Variants in MET observed in about 807,000 individuals in gnomAD.
MET encodes hepatocyte growth factor receptor.
MET carries 48 observed loss-of-function variants against 133.1 expected under a neutral mutation model. The ratio of observed to expected loss-of-function variants is 0.36; its 90% CI spans 0.29 to 0.46. The LOEUF (loss-of-function observed/expected upper bound fraction) is 0.46. Among genes scored for constraint, MET ranks in the 20% least tolerant of loss-of-function variants. The probability of loss-of-function intolerance (pLI) is 1.00; values close to 1 mark genes in which losing one functional copy is unlikely to be tolerated. For missense variants in MET, 1,442 were observed against 1,695.9 expected (o/e 0.85, Z 2.63); for synonymous variants, 628 against 616.5 (o/e 1.02, Z -0.28).
intron 5 of MET, among the ~76,000 whole-genome samples, chr7:116,747,389 G>A (rs865996178): frequency 5.3e-5 from 8 of 152,132 alleles, no homozygotes; most frequent in Non-Finnish European, 1.2e-4. Flanking sequence ...CCCATCTCAC[G>A]TGCAAAGACA....
intron 2 of MET, among the ~76,000 whole-genome samples, chr7:116,729,084 A>T (rs909401416): frequency 6.6e-6 from 1 of 152,248 alleles, no homozygotes; most frequent in Non-Finnish European, 1.5e-5. Context: ...TGCAAAATGG[A>T]TGATTGATCA....
chr7:116,703,686 T>C (rs986976255), intron 2 of MET, among the ~76,000 whole-genome samples: 1 of 152,042 alleles, frequency 6.6e-6, no homozygotes, highest in African/African-American at 2.4e-5. Flanking sequence ...AATGTGACAA[T>C]TTCAGGAAAA....
chr7:116,795,937 C>G lies in MET; in HGVS notation c.3986C>G (p.Ser1329Cys), dbSNP rs1398543726. 2 of 1,614,186 alleles carry G rather than the reference C, an allele frequency of 1.2e-6. No homozygotes were observed. Among genetic ancestry groups the G allele is most frequent in the Non-Finnish European group, 1.7e-6 (2 of 1,180,032 alleles). ...CWHPKAEMRP[S>C]FSELVSRISA... ...CACCCTAAAGCCGAAATGCGCCCAT[C>G]CTTTTCTGAACTGGTGTCCCGGATA... The change falls in exon 21 of 21, where the codon TCC becomes TGC. Residue 1329 changes from serine to cysteine, a missense_variant. By Grantham distance (112) the Ser-to-Cys change is moderately radical. Coordinates refer to ENST00000397752, the MANE Select transcript of MET (RefSeq NM_000245.4).
chr7:116,685,699 T>TA (rs1371390093), intron 1 of MET, among the ~76,000 whole-genome samples: 1 of 151,612 alleles, frequency 6.6e-6, no homozygotes, highest in Non-Finnish European at 1.5e-5. Flanking sequence ...AAAATAAAAA[T>TA]AAAAAAACCT....
chr7:116,706,825 G>A (rs1369356488), intron 2 of MET, among the ~76,000 whole-genome samples: 1 of 151,180 alleles, frequency 6.6e-6, no homozygotes, highest in Non-Finnish European at 1.5e-5. Context: ...TAAAGTGCTC[G>A]TTATCAGGAA....
intron 5 of MET, among the ~76,000 whole-genome samples, chr7:116,751,799 T>C (rs1184050498): frequency 1.3e-5 from 2 of 152,112 alleles, no homozygotes; most frequent in African/African-American, 4.8e-5. Flanking sequence ...TGGTGGCTCA[T>C]GTCTGTAATC....
At chr7:116,687,141 C>G (rs1187910563) in intron 1 of MET, among the ~76,000 whole-genome samples, 1 of 152,214 alleles carries the variant, frequency 6.6e-6, no homozygotes, top group Non-Finnish European at 1.5e-5. Flanking sequence ...TCTTCTATTT[C>G]TTTCCTCTCC....
chr7:116,700,805 T>C (rs1207285150), intron 2 of MET, among the ~76,000 whole-genome samples: 1 of 152,178 alleles, frequency 6.6e-6, no homozygotes. Context: ...TTAAAGGAAC[T>C]TAACTTTAAA....
chr7:116,765,881 A>G (rs1794609202), intron 11 of MET, among the ~76,000 whole-genome samples: 1 of 152,108 alleles, frequency 6.6e-6, no homozygotes, highest in South Asian at 2.1e-4. Context: ...GTCTTGGGTC[A>G]CCCAGGAAGC....
At chr7:116,780,145 T>C (rs566762877) in intron 17 of MET, among the ~76,000 whole-genome samples, 38 of 152,244 alleles carry the variant, frequency 2.5e-4, no homozygotes, top group African/African-American at 7.7e-4. Context: ...TCTTAGCCTC[T>C]TGCAAGTGGT....
intron 6 of MET, 104 bp downstream of exon 6, chr7:116,755,619 A>G (rs1794149087): frequency 7.0e-7 from 1 of 1,433,968 alleles, no homozygotes; most frequent in Non-Finnish European, 9.7e-7. Context: ...CTCTTGAATT[A>G]AAAAGGGTCT....
Position 116,753,053 on chromosome 7 carries a change from G to A in MET, c.1702-2302G>A, listed in dbSNP as rs191498755. Among the ~76,000 whole-genome samples the A allele has an allele frequency of 2.1e-3, 326 of 152,274 alleles. 1 individual carries two copies. The highest frequency in any genetic ancestry group is 2.1e-3 in the Non-Finnish European group (144 of 68,024). The stretch of plus-strand genomic sequence containing the variant: ...TGGATGAGGTAAATTTTCAGGAAAG[G>A]CACAACAGTGTAATGGATTTTTATG... On this transcript the variant is annotated intron_variant, in intron 5 of 20. Coordinates refer to ENST00000397752, the MANE Select transcript of MET (RefSeq NM_000245.4).
rs947252044 is a variant in MET at position 116,683,673 on chromosome 7, G to A, written c.-15+11096G>A. ...CAGTCTGTACCACATGCCCAAGAAAGTGTCCTCATTCTAATCACCAGTGCC... is the reference window on the plus strand; with the variant it reads ...CAGTCTGTACCACATGCCCAAGAAAATGTCCTCATTCTAATCACCAGTGCC... On this transcript the variant is annotated intron_variant, in intron 1 of 20. Transcript: ENST00000397752. 1.2e-4 allele frequency among the ~76,000 whole-genome samples: 19 copies of A among 152,138 alleles called. 1 individual carries two copies. Among genetic ancestry groups the A allele is most frequent in the African/African-American group, 4.3e-4 (18 of 41,426 alleles).
Position 116,731,040 on chromosome 7 carries a change from C to T in MET, c.1201-628C>T, listed in dbSNP as rs560845502. Among the ~76,000 whole-genome samples the T allele has an allele frequency of 3.9e-5, 6 of 152,232 alleles. No homozygotes were observed. In the South Asian group the frequency reaches 8.3e-4, roughly 21 times the overall value. On this transcript the variant is annotated intron_variant, in intron 2 of 20. Transcript: ENST00000397752. ...TTACACAAGCTCTATAAGGTAAGTACTATTTTTTTAGTTCTCTCTACTTTA... is the reference window on the plus strand; with the variant it reads ...TTACACAAGCTCTATAAGGTAAGTATTATTTTTTTAGTTCTCTCTACTTTA...
intron 6 of MET, among the ~76,000 whole-genome samples, chr7:116,756,331 G>C (rs1794177189): frequency 6.6e-6 from 1 of 152,134 alleles, no homozygotes; most frequent in Admixed American, 6.5e-5. Flanking sequence ...TTTTATGGTT[G>C]AATCTTTATG....
At chr7:116,709,107 T>C (rs150133374) in intron 2 of MET, among the ~76,000 whole-genome samples, 1 of 152,300 alleles carries the variant, frequency 6.6e-6, no homozygotes, top group Non-Finnish European at 1.5e-5. Context: ...TCATGAGCAC[T>C]TATGAATGTA....
At chr7:116,689,446 T>A (rs756971766) in intron 1 of MET, among the ~76,000 whole-genome samples, 6 of 152,154 alleles carry the variant, frequency 3.9e-5, no homozygotes, top group Non-Finnish European at 7.4e-5. Flanking sequence ...ATAAAATACA[T>A]TCCTGGGACA....
chr7:116,685,897 G>A (rs531085006), intron 1 of MET, among the ~76,000 whole-genome samples: 2 of 151,866 alleles, frequency 1.3e-5, no homozygotes, highest in African/African-American at 2.4e-5. Flanking sequence ...GATGGAGTTC[G>A]ATCTGAGGCA....
chr7:116,745,266 A>C (rs1470547247), intron 5 of MET, among the ~76,000 whole-genome samples: 1 of 152,188 alleles, frequency 6.6e-6, no homozygotes, highest in Non-Finnish European at 1.5e-5. Context: ...ACCACTGCTC[A>C]AGGAAATAAA....
Sources: gnomAD v4.1 joint callset for allele counts (sites outside exome capture counted in the v4.1 genomes callset) on GRCh38, gnomAD v4.1.1 for gene constraint, MANE v1.5 for transcripts, NCBI Gene and HGNC (gene_info 2026-07-23, HGNC 2026-07-21) for gene names.